ZNF827: variants seen among roughly 807,000 people sequenced by gnomAD.
The protein encoded by ZNF827 is zinc finger protein 827.
A neutral mutation model predicts 102.4 loss-of-function variants in ZNF827; 13 were observed. The observed-to-expected ratio is 0.13, with a 90% CI of 0.08 to 0.20. ZNF827 has a LOEUF of 0.20. Ranked by LOEUF, ZNF827 falls within the 10% of genes least tolerant of loss-of-function variation. ZNF827 has a pLI of 1.00. For synonymous variants in ZNF827, 523 were observed against 536.2 expected (o/e 0.98, Z 0.34); for missense variants, 1,103 against 1,344.4 (o/e 0.82, Z 2.81).
intron 5 of ZNF827, among the ~76,000 whole-genome samples, chr4:145,866,745 A>G (rs1748242117): frequency 1.3e-5 from 2 of 152,362 alleles, no homozygotes; most frequent in East Asian, 3.9e-4. Context: ...CCAACCATGC[A>G]TGATACATTT....
intron 8 of ZNF827, among the ~76,000 whole-genome samples, chr4:145,789,764 C>T (rs1739407999): frequency 6.6e-6 from 1 of 152,228 alleles, no homozygotes; most frequent in Admixed American, 6.5e-5. Context: ...CTGTCTGTTA[C>T]AATCTCGATT....
At chr4:145,779,313 G>A in intron 9 of ZNF827, 61 bp downstream of exon 9, 3 of 1,560,586 alleles carry the variant, frequency 1.9e-6, no homozygotes, top group Middle Eastern at 2.0e-4. Context: ...TCAGTTTCCG[G>A]AGAGTAAAGA....
At chr4:145,766,898 C>T (rs1401695935) in intron 11 of ZNF827, among the ~76,000 whole-genome samples, 4 of 152,038 alleles carry the variant, frequency 2.6e-5, no homozygotes, top group African/African-American at 7.2e-5. Context: ...GATCTAGACC[C>T]GCCAAAGAAT....
At chr4:145,790,805 A>G (rs1213259802) in intron 8 of ZNF827, among the ~76,000 whole-genome samples, 1 of 152,158 alleles carries the variant, frequency 6.6e-6, no homozygotes. Context: ...CTCTGCTCCT[A>G]ACCTATTGAA....
rs1734731671 is a variant in ZNF827 at position 145,762,754 on chromosome 4, C to T, written c.*17+336G>A. On this transcript the variant is annotated intron_variant, in intron 14 of 14. Transcript: ENST00000508784. This position sits in a 1 kb window ranked among gnomAD's most constrained non-coding sequence, Gnocchi z 4.9. ...GCCATGTTAACAAACTCTGCTGAGC[C>T]TCTCTTTTAGAAGCTGCCAGGCTGG... Among the ~76,000 whole-genome samples the T allele has an allele frequency of 2.0e-5, 3 of 152,230 alleles. No individual in the cohort carries two copies. Among genetic ancestry groups the T allele is most frequent in the East Asian group, 1.9e-4 (1 of 5,198 alleles).
intron 8 of ZNF827, among the ~76,000 whole-genome samples, chr4:145,812,989 G>A (rs144919269): frequency 1.7e-4 from 26 of 152,266 alleles, no homozygotes; most frequent in East Asian, 9.6e-4. Context: ...AAAAAATTGC[G>A]TGTTGTTCTA....
intron 7 of ZNF827, chr4:145,831,904 T>C (rs568758276): frequency 6.6e-6 from 1 of 152,252 alleles, no homozygotes; most frequent in African/African-American, 2.4e-5. Context: ...AAAAAATCAA[T>C]AGCAACGACC....
chr4:145,892,108 A>G lies in ZNF827; in HGVS notation c.1266+135T>C, dbSNP rs1381603727. ...CCTTTCTGTTGAATTCTACCTTGCT[A>G]CGTGGAGTACTGTCATCCGCATGTT... On this transcript the variant is annotated intron_variant, in intron 3 of 14. Transcript: ENST00000508784. 33 of 750,454 alleles carry G rather than the reference A, an allele frequency of 4.4e-5. No homozygotes were observed. In the East Asian group the frequency reaches 7.7e-4, roughly 17 times the overall value. 46.5% of individuals were successfully genotyped at this position (750,454 alleles called of 1,614,324 possible).
In ZNF827 at chr4:145,902,174, G is replaced by C; in HGVS notation, c.1085C>G (p.Ser362Cys). Residue 362 changes from serine to cysteine, a missense_variant, in exon 2 of 15, where the codon TCC becomes TGC. Ser to Cys is a moderately radical substitution (Grantham distance 112). This residue lies in a region of ZNF827 where 441 missense variants were observed against 458.6 expected (regional missense o/e 0.96). Coordinates refer to ENST00000508784, the MANE Select transcript of ZNF827 (RefSeq NM_001306215.2). The surrounding 1 kb of genome is among the most constrained non-coding windows in gnomAD (Gnocchi z 4.3). ...PVPKGRVSKP[S>C]NSASEEESGK... is the part of the protein sequence containing the mutation. ...AAGAAAAGATGCCATACCTGAATTG[G>C]AGGGTTTAGAAACTCTTCCCTTAGG... 6.3e-7 allele frequency: 1 copy of C among 1,595,146 alleles called. No individual in the cohort carries two copies. The highest frequency in any genetic ancestry group is 1.2e-5 in the South Asian group (1 of 86,858).
intron 3 of ZNF827, among the ~76,000 whole-genome samples, chr4:145,890,865 G>A (rs1405577577): frequency 6.6e-6 from 1 of 152,170 alleles, no homozygotes; most frequent in Non-Finnish European, 1.5e-5. Context: ...CTACTCCCAG[G>A]AGACAAAGGC....
chr4:145,775,379 C>T (rs62345782), intron 10 of ZNF827, among the ~76,000 whole-genome samples: 6 of 151,992 alleles, frequency 3.9e-5, no homozygotes, highest in South Asian at 4.2e-4. Context: ...AAATACGTAA[C>T]GCCTTCTGGG....
At chr4:145,837,549 A>C (rs1278979831) in intron 7 of ZNF827, among the ~76,000 whole-genome samples, 2 of 152,110 alleles carry the variant, frequency 1.3e-5, no homozygotes, top group Admixed American at 6.5e-5. Flanking sequence ...CTACTCATAC[A>C]TGCCCTGCTC....
chr4:145,847,798 T>A (rs1746132547), intron 6 of ZNF827, among the ~76,000 whole-genome samples: 1 of 152,250 alleles, frequency 6.6e-6, no homozygotes, highest in African/African-American at 2.4e-5. Context: ...TCTTGTGGAT[T>A]TTTGGAAAAA....
chr4:145,812,497 A>ATATTTATT lies in ZNF827; in HGVS notation c.2383+10917_2383+10924dup, dbSNP rs71592421. ...TTCTACTGTCAAGGTAAACCATTTT[A>ATATTTATT]TATTTATTTATTTATTTATTTATTT... On this transcript the variant is annotated intron_variant, in intron 8 of 14. Transcript: ENST00000508784. 4.9e-3 allele frequency among the ~76,000 whole-genome samples: 701 copies of ATATTTATT among 143,894 alleles called. 9 individuals are homozygous for ATATTTATT. Among genetic ancestry groups the ATATTTATT allele is most frequent in the South Asian group, 0.021 (92 of 4,390 alleles). The allele number at this position is 143,894 out of a possible 152,430, so 94.4% of individuals were successfully genotyped here.
intron 1 of ZNF827, among the ~76,000 whole-genome samples, chr4:145,932,505 C>T (rs1579601807): frequency 1.3e-5 from 2 of 148,872 alleles, no homozygotes; most frequent in East Asian, 2.0e-4. Context: ...GACGGAGTCT[C>T]GCTCTGTCGA....
chr4:145,839,076 T>C (rs1360958969), intron 7 of ZNF827: 1 of 152,180 alleles, frequency 6.6e-6, no homozygotes, highest in Non-Finnish European at 1.5e-5. Flanking sequence ...AAATACAGCA[T>C]CTTAGGAACA....
chr4:145,917,700 C>CAAAAAAAAAAAAAAAAAAAAAAAAAA (rs763617063), intron 1 of ZNF827, among the ~76,000 whole-genome samples: 1 of 46,856 alleles, frequency 2.1e-5, no homozygotes, highest in African/African-American at 7.6e-5. Context: ...GGTAGCTGGT[C>CAAAAAAAAAAAAAAAAAAAAAAAAAA]AAAAAAAAAA....
At chr4:145,924,636 C>T (rs1450802815) in intron 1 of ZNF827, among the ~76,000 whole-genome samples, 8 of 152,196 alleles carry the variant, frequency 5.3e-5, no homozygotes, top group African/African-American at 1.9e-4. Flanking sequence ...AACAGCTCTG[C>T]CTACTTGAAA....
intron 10 of ZNF827, among the ~76,000 whole-genome samples, chr4:145,775,327 A>C (rs1297412264): frequency 6.6e-6 from 1 of 152,226 alleles, no homozygotes; most frequent in Non-Finnish European, 1.5e-5. Context: ...TACAGAAATG[A>C]AACATAAAAT....
Sources: allele counts gnomAD v4.1 joint callset (sites outside exome capture counted in the v4.1 genomes callset), GRCh38; gene constraint gnomAD v4.1.1; regional missense constraint gnomAD v4.1.1; non-coding constraint Gnocchi (gnomAD v3.1); transcripts MANE v1.5; gene names NCBI Gene and HGNC (gene_info 2026-07-23, HGNC 2026-07-21).